Variants in BICDL1 observed in about 807,000 individuals in gnomAD.
BICDL1 encodes the protein BICD family like cargo adaptor 1.
A neutral mutation model predicts 76.8 loss-of-function variants in BICDL1; 20 were observed. The ratio of observed to expected loss-of-function variants is 0.26; its 90% CI spans 0.18 to 0.38. The LOEUF (loss-of-function observed/expected upper bound fraction) is 0.38. Among genes scored for constraint, BICDL1 ranks in the 10% least tolerant of loss-of-function variants. The pLI is 1.00. For synonymous variants in BICDL1, 383 were observed against 337.1 expected, an observed-to-expected ratio of 1.14 and a Z score of -1.49; for missense variants, 700 against 798.6, an observed-to-expected ratio of 0.88 and a Z score of 1.49.
At position 120,074,601 on chromosome 12, in the gene BICDL1, CT is replaced by C; in HGVS notation, c.1452+17del. 1 of 1,198,704 alleles carries C rather than the reference CT, an allele frequency of 8.3e-7. No individual in the cohort carries two copies. Among genetic ancestry groups the C allele is most frequent in the Non-Finnish European group, 1.1e-6 (1 of 944,052 alleles). The allele number at this position is 1,198,704 out of a possible 1,614,324, so 74.3% of individuals were successfully genotyped here. ...TCCACAGTCAGGTGAGCACCCCAAC[CT>C]TCAGTTCAGTGCAGGGCATGTGCAC... On this transcript the variant is annotated intron_variant, in intron 7 of 9. Coordinates refer to ENST00000548673, the MANE Select transcript of BICDL1 (RefSeq NM_001367886.1).
chr12:120,005,142 A>T (rs1390832695), intron 2 of BICDL1, among the ~76,000 whole-genome samples: 2 of 152,098 alleles, frequency 1.3e-5, no homozygotes, highest in South Asian at 2.1e-4. Flanking sequence ...TTTAAATTTT[A>T]AAAATGTTTA....
At chr12:120,049,177 A>C (rs1334384295) in intron 2 of BICDL1, among the ~76,000 whole-genome samples, 1 of 152,226 alleles carries the variant, frequency 6.6e-6, no homozygotes, top group Admixed American at 6.5e-5. Flanking sequence ...GCCAAGGAGC[A>C]CAGAAAGCTT....
intron 8 of BICDL1, among the ~76,000 whole-genome samples, chr12:120,082,922 C>T (rs1242006273): frequency 2.0e-5 from 3 of 151,888 alleles, no homozygotes; most frequent in East Asian, 3.9e-4. Context: ...ACTCTGTCAC[C>T]CATGCTCACA....
At chr12:120,025,502 G>A (rs768423786) in intron 2 of BICDL1, among the ~76,000 whole-genome samples, 6 of 152,110 alleles carry the variant, frequency 3.9e-5, no homozygotes, top group East Asian at 1.9e-4. Flanking sequence ...GTTTGCACCC[G>A]TGTTCTCTCT....
chr12:120,093,028 A>C lies in BICDL1; in HGVS notation c.1733A>C (p.Gln578Pro). 6.3e-7 allele frequency: 1 copy of C among 1,584,408 alleles called. No individual in the cohort carries two copies. The highest frequency in any genetic ancestry group is 1.7e-4 in the Middle Eastern group (1 of 5,880). Residue 578 changes from glutamine to proline, a missense_variant, in exon 10 of 10, where the codon CAG (glutamine) becomes CCG (proline). Physicochemically the swap from Gln to Pro is moderately conservative, Grantham distance 76. Around this residue, in one of 3 missense-constraint regions of BICDL1, gnomAD observed 455 missense variants for 548.7 expected, o/e 0.83. Coordinates refer to ENST00000548673, the MANE Select transcript of BICDL1 (RefSeq NM_001367886.1). Reference sequence around the variant, plus strand: ...GACATGCACAGGGTCATTGACCGGCAGCTGATGGACACGCACCTGAAAGAA... The same window carrying C: ...GACATGCACAGGGTCATTGACCGGCCGCTGATGGACACGCACCTGAAAGAA... The part of the protein sequence containing the change: ...QDDMHRVIDR[Q>P]LMDTHLKERS...
chr12:120,092,820 G>A (rs1875095919), intron 9 of BICDL1, 180 bp from the exon 10 acceptor site: 1 of 985,312 alleles, frequency 1.0e-6, no homozygotes, highest in African/African-American at 1.7e-5. Context: ...TACGGCTCCT[G>A]CGTGCGCCTG....
chr12:120,024,681 CTCTTTCTT>C (rs141249960), intron 2 of BICDL1, among the ~76,000 whole-genome samples: 2 of 150,428 alleles, frequency 1.3e-5, no homozygotes, highest in Admixed American at 6.6e-5. Context: ...TATTTAAATC[CTCTTTCTT>C]TCTTTCTTTC....
intron 2 of BICDL1, among the ~76,000 whole-genome samples, chr12:119,999,396 C>T (rs910184066): frequency 5.3e-5 from 8 of 152,090 alleles, no homozygotes; most frequent in African/African-American, 1.9e-4. Flanking sequence ...TATGTTAATT[C>T]GTTTAGTTCA....
intron 2 of BICDL1, among the ~76,000 whole-genome samples, chr12:120,058,923 G>A (rs1383260495): frequency 1.3e-5 from 2 of 151,908 alleles, no homozygotes; most frequent in Non-Finnish European, 1.5e-5. Context: ...CAAATGAAAT[G>A]CCTAGCATTG....
chr12:120,064,982 T>C, intron 4 of BICDL1, 103 bp downstream of exon 4: 1 of 1,318,822 alleles, frequency 7.6e-7, no homozygotes, highest in Non-Finnish European at 1.0e-6. Context: ...TGGGGTAAGC[T>C]GGGAGTGGAT....
In BICDL1 at chr12:120,080,988, C is replaced by T; in HGVS notation, c.1554C>T (p.Ala518=). The change falls in exon 8 of 10, where the codon GCC becomes GCT. Residue 518 remains alanine (A), a synonymous_variant. Coordinates refer to ENST00000548673, the MANE Select transcript of BICDL1 (RefSeq NM_001367886.1). ...DKEPKEQLQK[A]IRDRDEAIAK... is the part of the protein sequence containing the mutation. ...AGCCAAAGGAGCAGCTTCAGAAGGC[C>T]ATCAGGGACCGCGACGAGGCCATTG... 5 of 1,613,704 alleles carry T rather than the reference C, an allele frequency of 3.1e-6. No individual in the cohort carries two copies. Among genetic ancestry groups the T allele is most frequent in the Non-Finnish European group, 4.2e-6 (5 of 1,179,928 alleles).
rs543448351 is a variant in BICDL1 at position 119,998,797 on chromosome 12, G to A, written c.645+61G>A. On this transcript the variant is annotated intron_variant, in intron 2 of 9. Coordinates refer to ENST00000548673, the MANE Select transcript of BICDL1 (RefSeq NM_001367886.1). ...CTAAAAGTTGAAATAGGCTGGGCAT[G>A]GAGGCTTATGCCTGTGACGCCAGCA... The A allele has an allele frequency of 1.4e-5, 21 of 1,480,342 alleles. No homozygotes were observed. In the Admixed American group the frequency reaches 3.4e-4, roughly 24 times the overall value. The allele number at this position is 1,480,342 out of a possible 1,614,324, so 91.7% of individuals were successfully genotyped here. A position where few individuals can be genotyped will look rare whatever the true frequency, so the allele number is the denominator to read the frequency against.
chr12:120,037,895 T>C (rs577706841), intron 2 of BICDL1, among the ~76,000 whole-genome samples: 12 of 152,352 alleles, frequency 7.9e-5, no homozygotes, highest in African/African-American at 2.9e-4. Flanking sequence ...ACTGGTTTCA[T>C]TTCCACAAGC....
At chr12:120,014,914 C>A (rs187331622) in intron 2 of BICDL1, among the ~76,000 whole-genome samples, 23 of 152,068 alleles carry the variant, frequency 1.5e-4, no homozygotes, top group African/African-American at 5.5e-4. Flanking sequence ...CAAATAGAAT[C>A]CTTTGTTTGA....
At chr12:120,060,590 A>C (rs756363269) in intron 2 of BICDL1, among the ~76,000 whole-genome samples, 3 of 152,210 alleles carry the variant, frequency 2.0e-5, no homozygotes, top group Non-Finnish European at 2.9e-5. Flanking sequence ...ATGAAAATCA[A>C]CTAGAGTATG....
At chr12:120,086,806 G>GTT (rs1364340385) in intron 8 of BICDL1, among the ~76,000 whole-genome samples, 1 of 152,238 alleles carries the variant, frequency 6.6e-6, no homozygotes, top group African/African-American at 2.4e-5. Context: ...TTTTTAAAAT[G>GTT]TGATTAATGT....
At position 120,068,681 on chromosome 12, in the gene BICDL1, C is replaced by T. The variant is rs571558040; in HGVS notation, c.910-2941C>T. ...AAATACAAAATTTAGCTGGACATGG[C>T]GGCGCATGCCTGTGGTCCCAGCTAC... On this transcript the variant is annotated intron_variant, in intron 4 of 9. Transcript: ENST00000548673. 6.6e-5 allele frequency among the ~76,000 whole-genome samples: 10 copies of T among 152,216 alleles called. No individual in the cohort carries two copies. In the East Asian group the frequency reaches 1.4e-3, roughly 21 times the overall value.
chr12:120,012,172 A>G (rs1951967703), intron 2 of BICDL1, among the ~76,000 whole-genome samples: 1 of 152,172 alleles, frequency 6.6e-6, no homozygotes, highest in Admixed American at 6.5e-5. Flanking sequence ...GTAATGAGAA[A>G]TAGAGAGAGG....
chr12:120,093,018 A>C lies in BICDL1; in HGVS notation c.1723A>C (p.Ile575Leu), dbSNP rs2139036398. 1 of 1,573,194 alleles carries C rather than the reference A, an allele frequency of 6.4e-7. No individual in the cohort carries two copies. The highest frequency in any genetic ancestry group is 2.3e-5 in the East Asian group (1 of 44,120). The change falls in exon 10 of 10, where the codon ATT becomes CTT. Residue 575 changes from isoleucine to leucine, a missense_variant. By Grantham distance (5) the Ile-to-Leu change is conservative. Coordinates refer to ENST00000548673, the MANE Select transcript of BICDL1 (RefSeq NM_001367886.1). ...TCTGCAGGATGACATGCACAGGGTC[A>C]TTGACCGGCAGCTGATGGACACGCA... ...EAWQDDMHRV[I>L]DRQLMDTHLK...
Sources: allele counts gnomAD v4.1 joint callset (sites outside exome capture counted in the v4.1 genomes callset), GRCh38; gene constraint gnomAD v4.1.1; regional missense constraint gnomAD v4.1.1; transcripts MANE v1.5; gene names NCBI Gene and HGNC (gene_info 2026-07-23, HGNC 2026-07-21).